FER: variants seen among roughly 807,000 people sequenced by gnomAD.
The protein encoded by FER is tyrosine-protein kinase Fer.
Under a neutral mutation model 111.0 loss-of-function variants are expected in FER, and 63 were observed. The observed-to-expected ratio is 0.57, with a 90% CI of 0.46 to 0.70. The LOEUF (loss-of-function observed/expected upper bound fraction) is 0.70. Ranked by LOEUF, FER falls within the 30% of genes least tolerant of loss-of-function variation. The pLI, the probability that FER is intolerant of heterozygous loss-of-function variation, is 0.00. For synonymous variants in FER, 327 were observed against 313.9 expected, an observed-to-expected ratio of 1.04 and a Z score of -0.44; for missense variants, 914 against 954.0, an observed-to-expected ratio of 0.96 and a Z score of 0.55.
At chr5:109,011,008 A>G (rs1766191243) in intron 13 of FER, among the ~76,000 whole-genome samples, 1 of 152,252 alleles carries the variant, frequency 6.6e-6, no homozygotes, top group African/African-American at 2.4e-5. Flanking sequence ...AGCCTCACTC[A>G]GATGTACACA....
chr5:109,082,856 T>C (rs188623430), intron 16 of FER, among the ~76,000 whole-genome samples: 32 of 152,152 alleles, frequency 2.1e-4, no homozygotes, highest in African/African-American at 7.0e-4. Context: ...TGAGAAATCA[T>C]CTTTTTATTA....
At chr5:109,063,189 T>G (rs948313929) in intron 16 of FER, among the ~76,000 whole-genome samples, 1 of 152,228 alleles carries the variant, frequency 6.6e-6, no homozygotes, top group African/African-American at 2.4e-5. Flanking sequence ...TTCATTTGCA[T>G]TTGTAATTTC....
intron 10 of FER, among the ~76,000 whole-genome samples, chr5:108,941,909 A>G (rs1442825284): frequency 6.6e-6 from 1 of 152,166 alleles, no homozygotes; most frequent in Non-Finnish European, 1.5e-5. Flanking sequence ...AACCCTAATG[A>G]AAACTATGGA....
chr5:108,824,847 G>A (rs1041246019), intron 3 of FER, among the ~76,000 whole-genome samples: 26 of 152,058 alleles, frequency 1.7e-4, no homozygotes, highest in African/African-American at 5.5e-4. Context: ...TTTCCTAAGC[G>A]TCGGCTGGCT....
intron 12 of FER, among the ~76,000 whole-genome samples, chr5:108,957,909 A>G (rs1561677614): frequency 6.6e-6 from 1 of 151,652 alleles, no homozygotes. Flanking sequence ...ACCTAGAAAC[A>G]TATATTATTA....
intron 16 of FER, among the ~76,000 whole-genome samples, chr5:109,094,792 A>C (rs542886548): frequency 4.8e-4 from 73 of 152,170 alleles, no homozygotes; most frequent in Admixed American, 9.8e-4. Context: ...CAGTAATATC[A>C]CCAAAATCAC....
In FER at chr5:108,847,849, TTTA is replaced by T. The variant is rs541401422; in HGVS notation, c.481+12044_481+12046del. On this transcript the variant is annotated intron_variant, in intron 5 of 19. Coordinates refer to ENST00000281092, the MANE Select transcript of FER (RefSeq NM_005246.4). The stretch of plus-strand genomic sequence containing the variant: ...CATTCCAGCTTTCTTTTGATTAGTG[TTTA>T]TGTAGTATATTTTTTCTTTTTCCTT... Among the ~76,000 whole-genome samples the T allele has an allele frequency of 6.6e-5, 10 of 152,246 alleles. No homozygotes were observed. The East Asian group carries it at 1.7e-3, about 26-fold the overall frequency.
At chr5:108,767,135 C>T (rs1752408105) in intron 1 of FER, among the ~76,000 whole-genome samples, 1 of 152,052 alleles carries the variant, frequency 6.6e-6, no homozygotes, top group Non-Finnish European at 1.5e-5. Flanking sequence ...GAAACCCTGT[C>T]TGTACTAAAA....
intron 13 of FER, among the ~76,000 whole-genome samples, chr5:108,987,473 A>C (rs931913562): frequency 6.6e-6 from 1 of 152,096 alleles, no homozygotes; most frequent in South Asian, 2.1e-4. Flanking sequence ...AAAAATCGAA[A>C]ACCAAAATCT....
At chr5:109,147,774 CACAT>C (rs1440137741) in intron 17 of FER, among the ~76,000 whole-genome samples, 3 of 126,484 alleles carry the variant, frequency 2.4e-5, no homozygotes, top group Non-Finnish European at 5.1e-5. Context: ...CACACACACA[CACAT>C]ACATATATAT....
chr5:109,099,903 T>G (rs1748012421), intron 16 of FER, among the ~76,000 whole-genome samples: 1 of 151,648 alleles, frequency 6.6e-6, no homozygotes, highest in Non-Finnish European at 1.5e-5. Context: ...GACACTGCTA[T>G]CAGTTATGTT....
At chr5:109,072,280 T>C (rs1287286058) in intron 16 of FER, among the ~76,000 whole-genome samples, 1 of 151,560 alleles carries the variant, frequency 6.6e-6, no homozygotes, top group Non-Finnish European at 1.5e-5. Flanking sequence ...CTGTAAATGA[T>C]GTGAGTTGGC....
At chr5:109,098,663 T>C (rs1227666219) in intron 16 of FER, among the ~76,000 whole-genome samples, 2 of 151,678 alleles carry the variant, frequency 1.3e-5, no homozygotes, top group Non-Finnish European at 3.0e-5. Context: ...GTTGATAAAT[T>C]AGTGGAATTT....
intron 2 of FER, among the ~76,000 whole-genome samples, chr5:108,772,417 A>C (rs1449600629): frequency 7.2e-6 from 1 of 138,590 alleles, no homozygotes; most frequent in African/African-American, 2.7e-5. Context: ...ATGCCTCTTT[A>C]TTCTTTTTTA....
chr5:108,894,903 C>T (rs550386074), intron 9 of FER, among the ~76,000 whole-genome samples: 2 of 152,090 alleles, frequency 1.3e-5, no homozygotes, highest in South Asian at 4.2e-4. Context: ...CCAACAGGTC[C>T]CTCTCATGAT....
intron 9 of FER, among the ~76,000 whole-genome samples, chr5:108,895,966 G>A (rs1395258583): frequency 6.6e-6 from 1 of 151,280 alleles, no homozygotes; most frequent in Non-Finnish European, 1.5e-5. Flanking sequence ...TATGAAATTC[G>A]TTTGTGTAAA....
At chr5:108,889,844 G>C (rs2150305968) in intron 9 of FER, among the ~76,000 whole-genome samples, 2 of 151,924 alleles carry the variant, frequency 1.3e-5, no homozygotes, top group Middle Eastern at 6.8e-3. Context: ...CCTCACCAGA[G>C]GAAGCGTGAT....
intron 13 of FER, among the ~76,000 whole-genome samples, chr5:109,007,191 T>G (rs952647268): frequency 6.6e-6 from 1 of 152,184 alleles, no homozygotes; most frequent in African/African-American, 2.4e-5. Flanking sequence ...CTGAGATACA[T>G]GAGGTATTAA....
At chr5:108,908,897 G>C (rs780874646) in intron 10 of FER, among the ~76,000 whole-genome samples, 1 of 152,082 alleles carries the variant, frequency 6.6e-6, no homozygotes, top group Non-Finnish European at 1.5e-5. Flanking sequence ...AATTAGCTGG[G>C]TGTGGTGGCA....
Sources: allele counts gnomAD v4.1 joint callset (sites outside exome capture counted in the v4.1 genomes callset), GRCh38; gene constraint gnomAD v4.1.1; transcripts MANE v1.5; gene names NCBI Gene and HGNC (gene_info 2026-07-23, HGNC 2026-07-21).